KCNH5: variants seen among roughly 807,000 people sequenced by gnomAD.
The protein encoded by KCNH5 is voltage-gated delayed rectifier potassium channel KCNH5.
KCNH5 carries 46 observed loss-of-function variants against 96.1 expected under a neutral mutation model. The ratio of observed to expected loss-of-function variants is 0.48; its 90% CI spans 0.38 to 0.61. The LOEUF is 0.61. Among genes scored for constraint, KCNH5 ranks in the 20% least tolerant of loss-of-function variants. The pLI is 0.00. For missense variants in KCNH5, 907 were observed against 1,225.8 expected (o/e 0.74, Z 3.88); for synonymous variants, 439 against 449.8 (o/e 0.98, Z 0.30).
intron 7 of KCNH5, among the ~76,000 whole-genome samples, chr14:62,897,905 A>G (rs1443935376): frequency 1.3e-5 from 2 of 152,136 alleles, no homozygotes; most frequent in African/African-American, 4.8e-5. Context: ...GAAATGGAGC[A>G]TGGCAAACCA....
chr14:62,816,910 G>T (rs1595635960), intron 8 of KCNH5, among the ~76,000 whole-genome samples: 2 of 150,804 alleles, frequency 1.3e-5, no homozygotes, highest in Admixed American at 1.3e-4. Context: ...TCTTCTTCCT[G>T]ACCAAATATG....
chr14:62,832,624 A>G (rs995654754), intron 8 of KCNH5, among the ~76,000 whole-genome samples: 4 of 152,186 alleles, frequency 2.6e-5, no homozygotes, highest in African/African-American at 9.6e-5. Flanking sequence ...AATACCCAGG[A>G]GTGGGATTGT....
At chr14:62,914,761 A>T (rs747265482) in intron 7 of KCNH5, among the ~76,000 whole-genome samples, 1 of 152,160 alleles carries the variant, frequency 6.6e-6, no homozygotes, top group Non-Finnish European at 1.5e-5. Context: ...TGAGAAATAA[A>T]TTTCTGTTGT....
chr14:62,769,488 A>G (rs1885939962), intron 10 of KCNH5, among the ~76,000 whole-genome samples: 1 of 152,212 alleles, frequency 6.6e-6, no homozygotes, highest in South Asian at 2.1e-4. Context: ...GCATCGGGTG[A>G]TCTCAATTCA....
At chr14:62,908,782 A>ACTTTTTTTTTTTTTTTTTTTTT (rs71451284) in intron 7 of KCNH5, among the ~76,000 whole-genome samples, 1 of 23,718 alleles carries the variant, frequency 4.2e-5, no homozygotes, top group African/African-American at 1.8e-4. Flanking sequence ...TTTGCTTTGT[A>ACTTTTTTTTTTTTTTTTTTTTT]TTTTTTTTTT....
chr14:62,792,138 G>A (rs1189477874), intron 9 of KCNH5, among the ~76,000 whole-genome samples: 1 of 151,396 alleles, frequency 6.6e-6, no homozygotes, highest in Admixed American at 6.6e-5. Context: ...TTAAAATTAA[G>A]AAATTACATA....
At chr14:63,033,071 C>T (rs1164671086) in intron 1 of KCNH5, among the ~76,000 whole-genome samples, 1 of 152,186 alleles carries the variant, frequency 6.6e-6, no homozygotes, top group African/African-American at 2.4e-5. Flanking sequence ...ATTTCCACTA[C>T]TACCATCCCA....
rs183385648 is a variant in KCNH5, at chr14:63,029,105, G to A, written c.74-12151C>T. On this transcript the variant is annotated intron_variant, in intron 1 of 10. Coordinates refer to ENST00000322893, the MANE Select transcript of KCNH5 (RefSeq NM_139318.5). ...TAACTATATGCACTCTGAGTTTATG[G>A]AGGACAAACATGAAAACTGCTTTTA... Among the ~76,000 whole-genome samples the A allele has an allele frequency of 5.1e-3, 770 of 152,210 alleles. 4 individuals carry two copies. The highest frequency in any genetic ancestry group is 0.01 in the Middle Eastern group (3 of 294).
chr14:62,892,044 G>A (rs1302352137), intron 7 of KCNH5, among the ~76,000 whole-genome samples: 1 of 152,134 alleles, frequency 6.6e-6, no homozygotes, highest in African/African-American at 2.4e-5. Flanking sequence ...GAAAGGAAGA[G>A]TCCCACATCT....
intron 7 of KCNH5, among the ~76,000 whole-genome samples, chr14:62,944,498 T>TAC (rs575038286): frequency 5.5e-4 from 83 of 151,416 alleles, no homozygotes; most frequent in South Asian, 2.5e-3. Context: ...CCACCACACA[T>TAC]ACACACACAC....
rs374403500 is a variant in KCNH5 at position 62,966,657 on chromosome 14, A to AT, written c.942+14214dup. Among the ~76,000 whole-genome samples the AT allele has an allele frequency of 2.0e-3, 300 of 152,242 alleles. 1 individual carries two copies. The highest frequency in any genetic ancestry group is 7.0e-3 in the African/African-American group (290 of 41,548). ...CTCTCCTGCTCAGATAAATGGTTTG[A>AT]TTTTTTTATTACACGAACTTTGCAA... On this transcript the variant is annotated intron_variant, in intron 6 of 10. Transcript: ENST00000322893.
At chr14:63,033,108 C>T (rs1377969429) in intron 1 of KCNH5, among the ~76,000 whole-genome samples, 1 of 152,132 alleles carries the variant, frequency 6.6e-6, no homozygotes, top group Non-Finnish European at 1.5e-5. Context: ...TATCTTGCGT[C>T]GACTACCGCA....
chr14:62,846,968 T>C (rs1162645380), intron 8 of KCNH5, among the ~76,000 whole-genome samples: 1 of 148,572 alleles, frequency 6.7e-6, no homozygotes, highest in Non-Finnish European at 1.5e-5. Flanking sequence ...GCCCGGCTAA[T>C]TTTTTTTATT....
intron 7 of KCNH5, among the ~76,000 whole-genome samples, chr14:62,892,780 A>C (rs972019451): frequency 6.6e-6 from 1 of 152,232 alleles, no homozygotes; most frequent in African/African-American, 2.4e-5. Flanking sequence ...ATGGGACAAC[A>C]AAGCTTGAAT....
intron 7 of KCNH5, among the ~76,000 whole-genome samples, chr14:62,933,916 G>A (rs546483458): frequency 5.9e-5 from 9 of 152,140 alleles, no homozygotes; most frequent in African/African-American, 1.7e-4. Context: ...TGTTCCTTCC[G>A]GTTTATCTCA....
intron 7 of KCNH5, among the ~76,000 whole-genome samples, chr14:62,927,249 G>T (rs896307472): frequency 6.6e-6 from 1 of 152,206 alleles, no homozygotes; most frequent in African/African-American, 2.4e-5. Context: ...AGTGTTGACA[G>T]GGATGTGGAG....
At chr14:63,035,049 T>A (rs1476448020) in intron 1 of KCNH5, among the ~76,000 whole-genome samples, 1 of 152,202 alleles carries the variant, frequency 6.6e-6, no homozygotes, top group Non-Finnish European at 1.5e-5. Context: ...TTTACTAAAT[T>A]ATATTGCAAT....
At chr14:62,752,094 T>C (rs1203231784) in intron 10 of KCNH5, among the ~76,000 whole-genome samples, 1 of 152,114 alleles carries the variant, frequency 6.6e-6, no homozygotes, top group Admixed American at 6.5e-5. Context: ...TAATCTCTCC[T>C]CCCCAAGTCC....
chr14:62,858,220 T>A, intron 7 of KCNH5, among the ~76,000 whole-genome samples: 1 of 152,218 alleles, frequency 6.6e-6, no homozygotes, highest in Non-Finnish European at 1.5e-5. Context: ...GACTACCTTC[T>A]ACTACCCATT....
Sources: allele counts gnomAD v4.1 joint callset (sites outside exome capture counted in the v4.1 genomes callset), GRCh38; gene constraint gnomAD v4.1.1; transcripts MANE v1.5; gene names NCBI Gene and HGNC (gene_info 2026-07-23, HGNC 2026-07-21).